The following TMEM177 variants were observed in gnomAD, a reference collection of about 807,000 sequenced individuals.
The protein encoded by TMEM177 is transmembrane protein 177.
In TMEM177, 4 loss-of-function variants were observed where a neutral mutation model predicts 14.2. The ratio of observed to expected loss-of-function variants is 0.28; its 90% confidence interval spans 0.14 to 0.64. The LOEUF (loss-of-function observed/expected upper bound fraction) is 0.64, where lower values mean the gene tolerates loss of function less well. Among genes scored for constraint, TMEM177 ranks in the 30% least tolerant of loss-of-function variants. The probability of loss-of-function intolerance (pLI) is 0.82; values close to 1 mark genes in which losing one functional copy is unlikely to be tolerated. For missense variants in TMEM177, 344 were observed against 405.2 expected, an observed-to-expected ratio of 0.85 and a Z score of 1.30; for synonymous variants, 179 against 174.5, an observed-to-expected ratio of 1.03 and a Z score of -0.20.
downstream of TMEM177, among the ~76,000 whole-genome samples, chr2:119,684,183 T>A (rs537280520): frequency 6.6e-6 from 1 of 152,264 alleles, no homozygotes; most frequent in Non-Finnish European, 1.5e-5. Flanking sequence ...TGCAGTTTGG[T>A]TCCTGAACTG....
the TMEM177 span, among the ~76,000 whole-genome samples, chr2:119,716,593 C>T: frequency 6.6e-6 from 1 of 152,156 alleles, no homozygotes; most frequent in African/African-American, 2.4e-5. Context: ...TTTGTGTTGA[C>T]TTGGAGCTCC....
the TMEM177 span, among the ~76,000 whole-genome samples, chr2:119,721,262 C>A: frequency 6.6e-6 from 1 of 152,202 alleles, no homozygotes; most frequent in African/African-American, 2.4e-5. Context: ...AATGTTCAGT[C>A]ATGCCAATGG....
the TMEM177 span, among the ~76,000 whole-genome samples, chr2:119,697,208 G>A: frequency 6.6e-6 from 1 of 152,194 alleles, no homozygotes; most frequent in Non-Finnish European, 1.5e-5. Flanking sequence ...CAGGGTCAGG[G>A]TCTGCCTCCA....
chr2:119,719,745 G>C, the TMEM177 span, among the ~76,000 whole-genome samples: 4 of 152,110 alleles, frequency 2.6e-5, no homozygotes, highest in Non-Finnish European at 5.9e-5. Context: ...CACTCACCTA[G>C]GGCACAAAGT....
chr2:119,710,356 C>T, the TMEM177 span, among the ~76,000 whole-genome samples: 1 of 152,188 alleles, frequency 6.6e-6, no homozygotes, highest in African/African-American at 2.4e-5. Context: ...AAGAGAATTC[C>T]AGATCATGGA....
At chr2:119,707,882 G>A in the TMEM177 span, among the ~76,000 whole-genome samples, 1 of 152,232 alleles carries the variant, frequency 6.6e-6, no homozygotes, top group Admixed American at 6.5e-5. Flanking sequence ...AGATGGGGAG[G>A]TGGGAGGATG....
chr2:119,696,831 C>CGGGG, the TMEM177 span, among the ~76,000 whole-genome samples: 2 of 145,920 alleles, frequency 1.4e-5, no homozygotes, highest in African/African-American at 2.5e-5. Context: ...GTCGGGGAGG[C>CGGGG]AGGGAGAAGT....
the TMEM177 span, among the ~76,000 whole-genome samples, chr2:119,694,040 C>CCA: frequency 1.7e-4 from 1 of 5,852 alleles, no homozygotes; most frequent in Non-Finnish European, 3.7e-4. Flanking sequence ...ATGACACATA[C>CCA]CACACACATC....
At chr2:119,715,690 G>C in the TMEM177 span, among the ~76,000 whole-genome samples, 1 of 152,224 alleles carries the variant, frequency 6.6e-6, no homozygotes, top group Non-Finnish European at 1.5e-5. Flanking sequence ...CCCTGAGAAG[G>C]ACCAGCGGAA....
the TMEM177 span, among the ~76,000 whole-genome samples, chr2:119,704,813 T>C: frequency 2.0e-5 from 3 of 152,226 alleles, no homozygotes; most frequent in African/African-American, 7.2e-5. Context: ...CTCAGTGTTA[T>C]AAATCTGTAA....
At chr2:119,684,201 C>T (rs146793995), downstream of TMEM177, among the ~76,000 whole-genome samples, 2 of 152,206 alleles carry the variant, frequency 1.3e-5, no homozygotes, top group African/African-American at 2.4e-5. Context: ...CTGCTCTCCC[C>T]TCCTGCCCAC....
Position 119,682,060 on chromosome 2 carries a change from T to C in TMEM177, c.*271T>C. On this transcript the variant is annotated 3_prime_UTR_variant, in exon 2 of 2. Coordinates refer to ENST00000272521, the MANE Select transcript of TMEM177 (RefSeq NM_030577.3). ...TGCAAGATTGTAGAGTTGGGTAAGG[T>C]CATGAACATAAGGGCCTGGCACAAA... is the stretch of plus-strand genomic sequence containing the variant. 1 of 425,572 alleles carries C rather than the reference T, an allele frequency of 2.3e-6. No homozygotes were observed. Among genetic ancestry groups the C allele is most frequent in the South Asian group, 5.4e-5 (1 of 18,498 alleles). 26.4% of individuals were successfully genotyped at this position (425,572 alleles called of 1,614,324 possible).
the TMEM177 span, among the ~76,000 whole-genome samples, chr2:119,693,516 G>A: frequency 6.6e-6 from 1 of 152,234 alleles, no homozygotes; most frequent in Admixed American, 6.5e-5. Flanking sequence ...GTCTCAGGCT[G>A]GCCTGGGAGC....
At chr2:119,697,545 TCAAAA>T in the TMEM177 span, among the ~76,000 whole-genome samples, 1 of 152,122 alleles carries the variant, frequency 6.6e-6, no homozygotes, top group African/African-American at 2.4e-5. Flanking sequence ...AGACTCTATC[TCAAAA>T]CAAAACAAAA....
At chr2:119,716,582 A>G in the TMEM177 span, among the ~76,000 whole-genome samples, 1 of 152,172 alleles carries the variant, frequency 6.6e-6, no homozygotes, top group African/African-American at 2.4e-5. Flanking sequence ...CAGGGGAACA[A>G]TTTGTGTTGA....
At chr2:119,682,866 G>C (rs767239599), downstream of TMEM177, among the ~76,000 whole-genome samples, 4 of 152,172 alleles carry the variant, frequency 2.6e-5, no homozygotes, top group Non-Finnish European at 5.9e-5. Flanking sequence ...AGTGGGTTAG[G>C]CCTGGTCCCA....
the TMEM177 span, among the ~76,000 whole-genome samples, chr2:119,718,755 G>A: frequency 6.6e-6 from 1 of 151,644 alleles, no homozygotes; most frequent in African/African-American, 2.4e-5. Flanking sequence ...AGCTGCCACT[G>A]AGTAGGGATT....
chr2:119,722,572 G>A, the TMEM177 span, among the ~76,000 whole-genome samples: 1 of 152,212 alleles, frequency 6.6e-6, no homozygotes, highest in Non-Finnish European at 1.5e-5. Flanking sequence ...AGGTAACAGT[G>A]TCTACTTGAT....
the TMEM177 span, among the ~76,000 whole-genome samples, chr2:119,704,866 TGATA>T: frequency 1.3e-5 from 2 of 152,310 alleles, no homozygotes; most frequent in African/African-American, 4.8e-5. Context: ...TTGTGTTGAT[TGATA>T]GAGTCAACAT....
Sources: allele counts gnomAD v4.1 joint callset (sites outside exome capture counted in the v4.1 genomes callset), GRCh38; gene constraint gnomAD v4.1.1; transcripts MANE v1.5; gene names NCBI Gene and HGNC (gene_info 2026-07-23, HGNC 2026-07-21).